SLC45A2: variants seen among roughly 807,000 people sequenced by gnomAD.
SLC45A2 encodes the protein solute carrier family 45 member 2.
A neutral mutation model predicts 45.5 loss-of-function variants in SLC45A2; 36 were observed. The ratio of observed to expected loss-of-function variants is 0.79; its 90% CI spans 0.61 to 1.04. The LOEUF (loss-of-function observed/expected upper bound fraction) is 1.04. Ranked by LOEUF, SLC45A2 falls within the 50% of genes least tolerant of loss-of-function variation. SLC45A2 has a pLI of 0.00. For missense variants in SLC45A2, 719 were observed against 671.0 expected (o/e 1.07, Z -0.79); for synonymous variants, 306 against 269.3 (o/e 1.14, Z -1.33).
At chr5:33,970,359 T>TCCTAAGC (rs1752743167) in intron 2 of SLC45A2, among the ~76,000 whole-genome samples, 2 of 152,220 alleles carry the variant, frequency 1.3e-5, no homozygotes, top group African/African-American at 4.8e-5. Flanking sequence ...CATGGAGAGT[T>TCCTAAGC]CTTTGGTGCC....
At chr5:33,976,730 C>T (rs1265561519) in intron 2 of SLC45A2, among the ~76,000 whole-genome samples, 1 of 152,184 alleles carries the variant, frequency 6.6e-6, no homozygotes, top group African/African-American at 2.4e-5. Flanking sequence ...TCCATAACTG[C>T]TCTTATGAAC....
chr5:33,983,495 G>C (rs543851800), intron 1 of SLC45A2, among the ~76,000 whole-genome samples: 1 of 152,298 alleles, frequency 6.6e-6, no homozygotes, highest in South Asian at 2.1e-4. Context: ...TTTCAAATAT[G>C]TACAAATGAT....
At chr5:33,972,220 C>T (rs1474590962) in intron 2 of SLC45A2, 3 of 524,254 alleles carry the variant, frequency 5.7e-6, no homozygotes, top group Admixed American at 4.0e-5. Context: ...CTTCAGCTGA[C>T]AGAGAGATTC....
intron 5 of SLC45A2, among the ~76,000 whole-genome samples, chr5:33,951,013 T>G (rs1268351952): frequency 6.6e-6 from 1 of 152,072 alleles, no homozygotes; most frequent in Non-Finnish European, 1.5e-5. Context: ...GCAACTTAGG[T>G]AAGTGGAGGT....
rs181401033 is a variant in SLC45A2, at chr5:33,960,311, A to G, written c.888+3380T>C. Among the ~76,000 whole-genome samples the G allele has an allele frequency of 3.0e-4, 46 of 151,204 alleles. No homozygotes were observed. The East Asian group carries it at 8.2e-3, about 27-fold the overall frequency. Reference sequence around the variant, plus strand: ...TATATATATATATCATAGTTTTTTTATTCACTTGTTGATTGATGGGCATTT... The same window carrying G: ...TATATATATATATCATAGTTTTTTTGTTCACTTGTTGATTGATGGGCATTT... On this transcript the variant is annotated intron_variant, in intron 3 of 6. Transcript: ENST00000296589.
At position 33,963,670 on chromosome 5, in the gene SLC45A2, GA is replaced by G. The variant is rs1752514010; in HGVS notation, c.888+20del. ...GAGCAAGAATATTTTCCCTTGTAAAGAAAAAATGTTGCATCTTTACCTGTTC... is the reference window on the plus strand; with the variant it reads ...GAGCAAGAATATTTTCCCTTGTAAAGAAAAATGTTGCATCTTTACCTGTTC... On this transcript the variant is annotated intron_variant, in intron 3 of 6. Coordinates refer to ENST00000296589, the MANE Select transcript of SLC45A2 (RefSeq NM_016180.5). The G allele has an allele frequency of 6.2e-7, 1 of 1,611,606 alleles. No individual in the cohort carries two copies. Among genetic ancestry groups the G allele is most frequent in the Admixed American group, 1.7e-5 (1 of 60,002 alleles).
At chr5:33,960,025 T>A (rs2111948350) in intron 3 of SLC45A2, among the ~76,000 whole-genome samples, 1 of 152,236 alleles carries the variant, frequency 6.6e-6, no homozygotes. Context: ...TAAAATAAAG[T>A]ACCGTTTTTA....
Position 33,951,567 on chromosome 5 carries a change from G to A in SLC45A2, c.1143C>T (p.Ser381=), listed in dbSNP as rs1752096951. The part of the protein sequence containing the change: ...CWGLCINSVF[S]SLYSYFQKVL... ...AGAAAGACTTACAAGAATAAAGTGA[G>A]GAAAACACGGAGTTGATGCACAAGC... Residue 381 remains serine (S), a synonymous_variant, in exon 5 of 7, where the codon TCC becomes TCT. Coordinates refer to ENST00000296589, the MANE Select transcript of SLC45A2 (RefSeq NM_016180.5). 6.2e-7 allele frequency: 1 copy of A among 1,614,156 alleles called. No individual in the cohort carries two copies.
At chr5:33,946,920 C>T in intron 6 of SLC45A2, 3 of 1,428,538 alleles carry the variant, frequency 2.1e-6, no homozygotes, top group Non-Finnish European at 2.7e-6. Flanking sequence ...GGGAGTAACA[C>T]TTCTTGCCCT....
intron 3 of SLC45A2, among the ~76,000 whole-genome samples, chr5:33,955,522 C>G (rs1452728185): frequency 1.3e-5 from 2 of 152,154 alleles, no homozygotes; most frequent in Non-Finnish European, 2.9e-5. Context: ...GCTCCCTGTT[C>G]TTAGCCAGAT....
In SLC45A2 at chr5:33,984,285, C is replaced by T; in HGVS notation, c.299G>A (p.Gly100Asp). The stretch of plus-strand genomic sequence containing the variant: ...GGTGAGGATGTAGGGTCTCCGGCGG[C>T]CCCACCTGGACCGGCAGTGGTCGCT... ...SASDHCRSRW[G>D]RRRPYILTLG... Residue 100 changes from glycine to aspartate, a missense_variant, in exon 1 of 7, where the codon GGC (glycine) becomes GAC (aspartate). By Grantham distance (94) the Gly-to-Asp change is moderately conservative (BLOSUM62 -1). Transcript: ENST00000296589. 1.2e-6 allele frequency: 2 copies of T among 1,614,166 alleles called. No homozygotes were observed. Among genetic ancestry groups the T allele is most frequent in the Non-Finnish European group, 1.7e-6 (2 of 1,180,024 alleles).
intron 5 of SLC45A2, among the ~76,000 whole-genome samples, chr5:33,949,015 T>C (rs1345364557): frequency 1.3e-5 from 2 of 152,208 alleles, no homozygotes; most frequent in African/African-American, 4.8e-5. Context: ...TCTTCAGGAC[T>C]GAGGGGAAAT....
chr5:33,975,128 C>T lies in SLC45A2; in HGVS notation c.562+7108G>A, dbSNP rs535762968. On this transcript the variant is annotated intron_variant, in intron 2 of 6. Coordinates refer to ENST00000296589, the MANE Select transcript of SLC45A2 (RefSeq NM_016180.5). ...CTCTGAGCCATCCACACAACCTCTG[C>T]TGCTTCCATATGAGCAAAGACATGC... Among the ~76,000 whole-genome samples the T allele has an allele frequency of 2.8e-4, 43 of 152,066 alleles. No individual in the cohort carries two copies. In the South Asian group the frequency reaches 8.3e-3, roughly 29 times the overall value.
chr5:33,945,343 T>A (rs1561352906), intron 6 of SLC45A2, among the ~76,000 whole-genome samples: 1 of 152,244 alleles, frequency 6.6e-6, no homozygotes, highest in Non-Finnish European at 1.5e-5. Context: ...CCTTTCTTAG[T>A]GTTAAAAATT....
At chr5:33,946,155 A>G (rs1487819342) in intron 6 of SLC45A2, 2 of 985,316 alleles carry the variant, frequency 2.0e-6, no homozygotes, top group East Asian at 2.3e-4. Flanking sequence ...TCTTCCCCCA[A>G]CACCATGTAA....
intron 5 of SLC45A2, among the ~76,000 whole-genome samples, chr5:33,948,393 A>G (rs1752000268): frequency 6.6e-6 from 1 of 152,208 alleles, no homozygotes; most frequent in African/African-American, 2.4e-5. Context: ...CACATTCCTC[A>G]TCTCTTCCCT....
rs1753161750 is a variant in SLC45A2 at position 33,984,052 on chromosome 5, T to C, written c.385+147A>G. The C allele has an allele frequency of 9.8e-6, 11 of 1,119,064 alleles. No individual in the cohort carries two copies. In the South Asian group the frequency reaches 1.5e-4, roughly 15 times the overall value. The allele number at this position is 1,119,064 out of a possible 1,614,324, so 69.3% of individuals were successfully genotyped here. ...CCCCAACCACAGAATCTGGGCCAAA[T>C]TTGTCAAAGGGGAAGTTCATTGTAA... On this transcript the variant is annotated intron_variant, in intron 1 of 6. Transcript: ENST00000296589.
At chr5:33,948,454 A>G (rs1752002268) in intron 5 of SLC45A2, among the ~76,000 whole-genome samples, 1 of 152,244 alleles carries the variant, frequency 6.6e-6, no homozygotes. Context: ...CAGATACTTG[A>G]AACGTGACTA....
intron 2 of SLC45A2, among the ~76,000 whole-genome samples, chr5:33,974,348 C>CA (rs1055199027): frequency 1.9e-4 from 29 of 151,322 alleles, no homozygotes; most frequent in Admixed American, 1.2e-3. Flanking sequence ...TAGAAAATCC[C>CA]AAAAAAATGT....
Sources: allele counts gnomAD v4.1 joint callset (sites outside exome capture counted in the v4.1 genomes callset), GRCh38; gene constraint gnomAD v4.1.1; transcripts MANE v1.5; gene names NCBI Gene and HGNC (gene_info 2026-07-23, HGNC 2026-07-21).